Variants in GLIS3 observed in about 807,000 individuals in gnomAD.
GLIS3 encodes the protein zinc finger protein GLIS3.
GLIS3 carries 53 observed loss-of-function variants against 78.6 expected under a neutral mutation model. The observed-to-expected ratio is 0.67, with a 90% CI of 0.54 to 0.85. The LOEUF (loss-of-function observed/expected upper bound fraction) is 0.85, where lower values mean the gene tolerates loss of function less well. Among genes scored for constraint, GLIS3 ranks in the 40% least tolerant of loss-of-function variants. GLIS3 has a pLI of 0.00. For synonymous variants in GLIS3, 684 were observed against 509.9 expected, an observed-to-expected ratio of 1.34 and a Z score of -4.60; for missense variants, 1,703 against 1,231.1, an observed-to-expected ratio of 1.38 and a Z score of -5.74.
At chr9:4,212,159 A>G (rs972199099) in intron 2 of GLIS3, among the ~76,000 whole-genome samples, 2 of 152,222 alleles carry the variant, frequency 1.3e-5, no homozygotes, top group Admixed American at 6.5e-5. Flanking sequence ...ATATATGTAA[A>G]TTATACCTCG....
At chr9:4,481,513 T>C in the GLIS3 span, among the ~76,000 whole-genome samples, 1 of 118,402 alleles carries the variant, frequency 8.4e-6, no homozygotes, top group South Asian at 2.7e-4. Context: ...ATTAAAAACA[T>C]AAGTGTGTGT....
At chr9:4,033,855 G>C (rs1588498693) in intron 4 of GLIS3, among the ~76,000 whole-genome samples, 2 of 113,148 alleles carry the variant, frequency 1.8e-5, no homozygotes, top group East Asian at 2.6e-4. Flanking sequence ...CAAAAACATA[G>C]GCGAAGGATA....
intron 4 of GLIS3, among the ~76,000 whole-genome samples, chr9:4,088,205 T>G (rs1829206759): frequency 6.6e-6 from 1 of 152,210 alleles, no homozygotes; most frequent in Non-Finnish European, 1.5e-5. Context: ...TGTACCTCAA[T>G]CCTTCTATCG....
At chr9:4,268,901 G>C (rs1314103187) in intron 2 of GLIS3, among the ~76,000 whole-genome samples, 2 of 152,152 alleles carry the variant, frequency 1.3e-5, no homozygotes, top group African/African-American at 4.8e-5. Flanking sequence ...GTAGCTGTTT[G>C]CTGCAGCTAC....
intron 1 of GLIS3, among the ~76,000 whole-genome samples, chr9:4,286,758 C>A (rs919950139): frequency 6.6e-6 from 1 of 152,130 alleles, no homozygotes; most frequent in Non-Finnish European, 1.5e-5. Flanking sequence ...CCACTGAGCC[C>A]TTCTCAATAC....
chr9:3,911,129 TCTTCCTTCCTCC>T (rs1362573510), intron 6 of GLIS3, among the ~76,000 whole-genome samples: 1 of 151,992 alleles, frequency 6.6e-6, no homozygotes, highest in Non-Finnish European at 1.5e-5. Context: ...TCCTTTCCTT[TCTTCCTTCCTCC>T]CTTCCTTCCG....
intron 4 of GLIS3, among the ~76,000 whole-genome samples, chr9:4,009,812 T>C (rs1341972391): frequency 1.3e-5 from 2 of 152,166 alleles, no homozygotes; most frequent in African/African-American, 4.8e-5. Context: ...GTGGATTCAC[T>C]GCACATGCAG....
chr9:4,375,393 T>C, the GLIS3 span, among the ~76,000 whole-genome samples: 1 of 152,236 alleles, frequency 6.6e-6, no homozygotes, highest in East Asian at 1.9e-4. Flanking sequence ...TATACAAGTT[T>C]CCTTTATACC....
intron 4 of GLIS3, chr9:4,034,560 T>A (rs1023426302): frequency 2.0e-5 from 3 of 152,210 alleles, no homozygotes; most frequent in Non-Finnish European, 4.4e-5. Context: ...TTGGCTGTCC[T>A]CGGGGATTCA....
At chr9:4,106,174 CAG>C (rs1317576242) in intron 4 of GLIS3, among the ~76,000 whole-genome samples, 1 of 152,146 alleles carries the variant, frequency 6.6e-6, no homozygotes, top group Non-Finnish European at 1.5e-5. Context: ...GCCAAAAGGT[CAG>C]GGCCCTGAAA....
chr9:3,845,525 T>A (rs1466354506), intron 9 of GLIS3, among the ~76,000 whole-genome samples: 1 of 152,156 alleles, frequency 6.6e-6, no homozygotes, highest in Non-Finnish European at 1.5e-5. Context: ...GTAAGGACTT[T>A]AAAAAACTGA....
intron 2 of GLIS3, among the ~76,000 whole-genome samples, chr9:4,136,629 GC>G (rs1833427637): frequency 6.6e-6 from 1 of 152,106 alleles, no homozygotes; most frequent in Non-Finnish European, 1.5e-5. Flanking sequence ...AAAAGAATAA[GC>G]TAAAACATGA....
intron 2 of GLIS3, among the ~76,000 whole-genome samples, chr9:4,140,601 C>G (rs751646488): frequency 4.3e-4 from 65 of 152,232 alleles, no homozygotes; most frequent in Middle Eastern, 3.4e-3. Context: ...CCAGAAGTCC[C>G]CCAGAGCTGC....
the GLIS3 span, among the ~76,000 whole-genome samples, chr9:4,467,949 C>G: frequency 4.6e-5 from 7 of 152,094 alleles, no homozygotes; most frequent in Non-Finnish European, 8.8e-5. Flanking sequence ...CTTAAATGAC[C>G]TGATGGAGCT....
intron 4 of GLIS3, among the ~76,000 whole-genome samples, chr9:4,033,817 G>A (rs1325294072): frequency 1.6e-5 from 2 of 126,898 alleles, no homozygotes; most frequent in African/African-American, 2.9e-5. Flanking sequence ...CATGCACATG[G>A]CAACACAAGG....
intron 4 of GLIS3, among the ~76,000 whole-genome samples, chr9:3,940,213 C>T (rs1257260543): frequency 2.0e-5 from 3 of 152,132 alleles, no homozygotes; most frequent in Admixed American, 6.5e-5. Flanking sequence ...AAGATTGTTA[C>T]AAAATATACC....
At chr9:4,322,449 T>C (rs912310406) in intron 2 of GLIS3, among the ~76,000 whole-genome samples, 4 of 152,218 alleles carry the variant, frequency 2.6e-5, no homozygotes, top group Non-Finnish European at 4.4e-5. Flanking sequence ...ATGGTATTTC[T>C]AGTTCTAGAT....
intron 4 of GLIS3, among the ~76,000 whole-genome samples, chr9:4,083,035 G>T (rs1828693964): frequency 6.6e-6 from 1 of 152,162 alleles, no homozygotes; most frequent in African/African-American, 2.4e-5. Context: ...GTGGTGACAT[G>T]TTTAAACTGA....
At chr9:4,465,208 GAATGGAGGAA>G in the GLIS3 span, among the ~76,000 whole-genome samples, 17 of 152,340 alleles carry the variant, frequency 1.1e-4, no homozygotes, top group East Asian at 3.3e-3. Flanking sequence ...AATCCTGTAA[GAATGGAGGAA>G]ATTTACATAT....
Sources: gnomAD v4.1 joint callset for allele counts (sites outside exome capture counted in the v4.1 genomes callset) on GRCh38, gnomAD v4.1.1 for gene constraint, MANE v1.5 for transcripts, NCBI Gene and HGNC (gene_info 2026-07-23, HGNC 2026-07-21) for gene names.